The following OPCML variants were observed in gnomAD, a reference collection of about 807,000 sequenced individuals.
The protein encoded by OPCML is opioid-binding protein/cell adhesion molecule.
Under a neutral mutation model 37.8 loss-of-function variants are expected in OPCML, and 13 were observed. The observed-to-expected ratio is 0.34, with a 90% CI of 0.22 to 0.55. The LOEUF (loss-of-function observed/expected upper bound fraction) is 0.55, where lower values mean the gene tolerates loss of function less well. OPCML is among the 20% of genes least tolerant of loss of function. OPCML has a pLI of 0.91. For missense variants in OPCML, 341 were observed against 435.6 expected, an observed-to-expected ratio of 0.78 and a Z score of 1.93; for synonymous variants, 176 against 168.8, an observed-to-expected ratio of 1.04 and a Z score of -0.33.
chr11:132,796,565 CTTTTTTTTTTTTTTTT>C (rs71067396), intron 2 of OPCML, among the ~76,000 whole-genome samples: 1 of 88,558 alleles, frequency 1.1e-5, no homozygotes, highest in African/African-American at 4.5e-5. Flanking sequence ...TTTCTTCTTT[CTTTTTTTTTTTTTTTT>C]TTTTTTTTTT....
intron 1 of OPCML, among the ~76,000 whole-genome samples, chr11:133,095,716 C>T (rs772911394): frequency 2.7e-5 from 4 of 149,904 alleles, no homozygotes; most frequent in Non-Finnish European, 5.9e-5. Flanking sequence ...AAAAAAAAAT[C>T]AGAGGAAAAG....
chr11:133,363,881 T>C (rs946833554), intron 1 of OPCML, among the ~76,000 whole-genome samples: 2 of 152,194 alleles, frequency 1.3e-5, no homozygotes, highest in African/African-American at 4.8e-5. Flanking sequence ...AAGAACCTAC[T>C]CAGGCTGACC....
At chr11:133,250,714 A>G (rs893499273) in intron 1 of OPCML, among the ~76,000 whole-genome samples, 1 of 152,248 alleles carries the variant, frequency 6.6e-6, no homozygotes, top group Non-Finnish European at 1.5e-5. Flanking sequence ...CAAGAACCAC[A>G]TTAGGAGACA....
intron 1 of OPCML, among the ~76,000 whole-genome samples, chr11:133,133,314 C>A (rs992059107): frequency 6.6e-6 from 1 of 152,126 alleles, no homozygotes; most frequent in Non-Finnish European, 1.5e-5. Flanking sequence ...TAACTCTGAT[C>A]CCATTTATTC....
intron 3 of OPCML, among the ~76,000 whole-genome samples, chr11:132,547,712 G>C (rs933080081): frequency 1.3e-5 from 2 of 152,026 alleles, no homozygotes; most frequent in African/African-American, 4.8e-5. Context: ...TTTTTGAAGT[G>C]GGTAAGTTAA....
intron 1 of OPCML, among the ~76,000 whole-genome samples, chr11:133,027,132 C>A (rs1947569327): frequency 6.6e-6 from 1 of 152,100 alleles, no homozygotes; most frequent in Admixed American, 6.5e-5. Context: ...TTGTGGTGAC[C>A]CACTTGTCAC....
intron 1 of OPCML, chr11:133,008,794 G>C (rs1947160675): frequency 1.6e-6 from 1 of 635,304 alleles, no homozygotes; most frequent in South Asian, 7.0e-5. Context: ...CCTGTTCATA[G>C]GTGTTCTTCC....
intron 2 of OPCML, among the ~76,000 whole-genome samples, chr11:132,691,422 T>A (rs1448763519): frequency 6.6e-6 from 1 of 152,250 alleles, no homozygotes; most frequent in Non-Finnish European, 1.5e-5. Context: ...GTCCAAGTCC[T>A]TATTTGCAAT....
intron 1 of OPCML, among the ~76,000 whole-genome samples, chr11:133,220,032 C>T (rs1289262655): frequency 6.6e-6 from 1 of 152,124 alleles, no homozygotes; most frequent in Non-Finnish European, 1.5e-5. Context: ...CAGGCTGTGA[C>T]CTTATTCCCT....
chr11:133,439,633 A>C (rs1946320093), intron 1 of OPCML, among the ~76,000 whole-genome samples: 1 of 151,772 alleles, frequency 6.6e-6, no homozygotes, highest in South Asian at 2.1e-4. Flanking sequence ...ATGCCCGGCT[A>C]ATTTTTTGTA....
intron 3 of OPCML, among the ~76,000 whole-genome samples, chr11:132,650,740 G>A (rs190834878): frequency 6.0e-4 from 92 of 152,232 alleles, no homozygotes; most frequent in Admixed American, 2.9e-3. Context: ...GCACTTTTAG[G>A]AGCCGAGCGC....
In OPCML at chr11:133,286,978, T is replaced by C. The variant is rs1261675505; in HGVS notation, c.61+245286A>G. On this transcript the variant is annotated intron_variant, in intron 1 of 7. Transcript: ENST00000524381. ...GCAAGATCTTGGTCATCTTTTATCT[T>C]CTGCGCACTGCCTGGGAGGAGATGG... 1.1e-4 allele frequency among the ~76,000 whole-genome samples: 17 copies of C among 152,172 alleles called. 1 individual carries two copies. The highest frequency in any genetic ancestry group is 1.1e-3 in the Admixed American group (17 of 15,270).
intron 2 of OPCML, among the ~76,000 whole-genome samples, chr11:132,856,993 T>A (rs1423159559): frequency 6.6e-6 from 1 of 152,224 alleles, no homozygotes; most frequent in African/African-American, 2.4e-5. Context: ...CACTCTGCCT[T>A]ATGCCCCTTG....
At chr11:132,822,074 A>G (rs1940023147) in intron 2 of OPCML, among the ~76,000 whole-genome samples, 1 of 152,192 alleles carries the variant, frequency 6.6e-6, no homozygotes, top group Non-Finnish European at 1.5e-5. Flanking sequence ...TCCCTTGCTT[A>G]CTTTCTATCC....
intron 7 of OPCML, among the ~76,000 whole-genome samples, chr11:132,426,470 C>T (rs1220913279): frequency 2.0e-5 from 3 of 152,236 alleles, no homozygotes; most frequent in East Asian, 3.9e-4. Flanking sequence ...GACCGAGTCT[C>T]ACTCTGTCAC....
At chr11:132,577,782 G>A (rs2096454104) in intron 3 of OPCML, among the ~76,000 whole-genome samples, 2 of 152,236 alleles carry the variant, frequency 1.3e-5, no homozygotes, top group South Asian at 2.1e-4. Context: ...CAGTAACCCT[G>A]TCTACAATCA....
intron 2 of OPCML, among the ~76,000 whole-genome samples, chr11:132,845,526 A>G (rs991856968): frequency 7.9e-5 from 12 of 152,270 alleles, no homozygotes; most frequent in African/African-American, 2.4e-4. Context: ...CCCAGTAGCT[A>G]TGGGGAGGGA....
intron 3 of OPCML, among the ~76,000 whole-genome samples, chr11:132,542,327 G>T (rs1351222676): frequency 1.3e-5 from 2 of 152,156 alleles, no homozygotes; most frequent in Non-Finnish European, 2.9e-5. Flanking sequence ...TTTTGTCACT[G>T]TCCAGCAGAT....
chr11:133,378,315 G>A (rs1451015516), intron 1 of OPCML, among the ~76,000 whole-genome samples: 2 of 152,192 alleles, frequency 1.3e-5, no homozygotes, highest in Non-Finnish European at 2.9e-5. Context: ...TGAGGAAGCA[G>A]TGAAATTACC....
Sources: allele counts gnomAD v4.1 joint callset (sites outside exome capture counted in the v4.1 genomes callset), GRCh38; gene constraint gnomAD v4.1.1; transcripts MANE v1.5; gene names NCBI Gene and HGNC (gene_info 2026-07-23, HGNC 2026-07-21).